Variants in ADAMTSL1 observed in about 807,000 individuals in gnomAD.
ADAMTSL1 encodes the protein ADAMTS like 1.
In ADAMTSL1, 126 loss-of-function variants were observed where a neutral mutation model predicts 201.8. The observed-to-expected ratio is 0.62, with a 90% CI of 0.54 to 0.72. The LOEUF is 0.72. ADAMTSL1 is among the 30% of genes least tolerant of loss of function. The pLI, the probability that ADAMTSL1 is intolerant of heterozygous loss-of-function variation, is 0.00. For missense variants in ADAMTSL1, 2,679 were observed against 2,277.8 expected, an observed-to-expected ratio of 1.18 and a Z score of -3.59; for synonymous variants, 1,121 against 903.4, an observed-to-expected ratio of 1.24 and a Z score of -4.32.
chr9:18,245,062 G>C (rs1467705887), intron 2 of ADAMTSL1, among the ~76,000 whole-genome samples: 7 of 152,120 alleles, frequency 4.6e-5, no homozygotes. Flanking sequence ...ATCAAGGTGG[G>C]AGTAACAAGT....
rs185599812 is a variant in ADAMTSL1, at chr9:18,738,262, A to G, written c.2007-15036A>G. 3.0e-4 allele frequency among the ~76,000 whole-genome samples: 46 copies of G among 152,292 alleles called. 1 individual carries two copies. The highest frequency in any genetic ancestry group is 8.7e-4 in the African/African-American group (36 of 41,568). On this transcript the variant is annotated intron_variant, in intron 15 of 28. Coordinates refer to ENST00000380548, the MANE Select transcript of ADAMTSL1 (RefSeq NM_001040272.6). The stretch of plus-strand genomic sequence containing the variant: ...GCGTTTTCTCTATATCTTAGTCTTT[A>G]AAACTATGGAAAGGAATTGAGTATG...
intron 1 of ADAMTSL1, among the ~76,000 whole-genome samples, chr9:18,011,211 T>C (rs989082300): frequency 2.6e-5 from 4 of 152,072 alleles, no homozygotes; most frequent in African/African-American, 9.6e-5. Flanking sequence ...TCTGTAACCA[T>C]GAAATTAAGT....
At chr9:18,150,495 C>T (rs1340152912) in intron 1 of ADAMTSL1, among the ~76,000 whole-genome samples, 2 of 152,010 alleles carry the variant, frequency 1.3e-5, no homozygotes, top group Admixed American at 6.6e-5. Context: ...GTCAGAGTTT[C>T]TGTTTGCTGA....
chr9:18,798,966 C>T (rs941082015), intron 20 of ADAMTSL1, among the ~76,000 whole-genome samples: 1 of 151,976 alleles, frequency 6.6e-6, no homozygotes, highest in African/African-American at 2.4e-5. Context: ...TCTCTAAACT[C>T]TTCCATTACG....
chr9:18,680,505 G>A lies in ADAMTSL1; in HGVS notation c.1330G>A (p.Glu444Lys). 1 of 1,614,134 alleles carries A rather than the reference G, an allele frequency of 6.2e-7. No homozygotes were observed. Among genetic ancestry groups the A allele is most frequent in the African/African-American group, 1.3e-5 (1 of 75,028 alleles). ...IFDCPKWLAQ[E>K]WSPCTVTCGQ... is the part of the protein sequence containing the mutation. ...TGACTGCCCTAAATGGCTGGCACAGGAGTGGTCTCCGGTAACTGTGCCTTC... is the reference window on the plus strand; with the variant it reads ...TGACTGCCCTAAATGGCTGGCACAGAAGTGGTCTCCGGTAACTGTGCCTTC... The change falls in exon 11 of 29, where the codon GAG (glutamate) becomes AAG (lysine). Residue 444 changes from glutamate (E) to lysine (K), a missense_variant. Glu to Lys is a moderately conservative substitution (Grantham distance 56, BLOSUM62 1). Coordinates refer to ENST00000380548, the MANE Select transcript of ADAMTSL1 (RefSeq NM_001040272.6).
rs147676226 is a variant in ADAMTSL1 at position 18,770,132 on chromosome 9, G to A, written c.2218-470G>A. On this transcript the variant is annotated intron_variant, in intron 16 of 28. Coordinates refer to ENST00000380548, the MANE Select transcript of ADAMTSL1 (RefSeq NM_001040272.6). ...AGACCCTAAATCTAATGCCCATTCC[G>A]TGTGGTAGAGTGCCTTCACTTAGAG... Among the ~76,000 whole-genome samples the A allele has an allele frequency of 7.2e-5, 11 of 152,264 alleles. No homozygotes were observed. The South Asian group carries it at 8.3e-4, about 11-fold the overall frequency.
chr9:18,000,684 G>C (rs1435626344), intron 1 of ADAMTSL1, among the ~76,000 whole-genome samples: 1 of 152,070 alleles, frequency 6.6e-6, no homozygotes, highest in African/African-American at 2.4e-5. Context: ...TTGTTGGCAA[G>C]CAATTGAAAC....
intron 1 of ADAMTSL1, among the ~76,000 whole-genome samples, chr9:18,085,484 T>TATATATATATATACTGTGTGTGC (rs1244595228): frequency 1.2e-4 from 16 of 130,476 alleles, no homozygotes; most frequent in African/African-American, 4.3e-4. Flanking sequence ...TGTGTGTGCA[T>TATATATATATATACTGTGTGTGC]ATATATATAT....
At chr9:18,022,065 AT>A (rs1435250446) in intron 1 of ADAMTSL1, among the ~76,000 whole-genome samples, 1 of 151,902 alleles carries the variant, frequency 6.6e-6, no homozygotes, top group Admixed American at 6.6e-5. Flanking sequence ...CACAGTACTC[AT>A]TTTTTTCTTG....
At chr9:17,962,014 T>C (rs895295361) in intron 1 of ADAMTSL1, among the ~76,000 whole-genome samples, 1 of 152,172 alleles carries the variant, frequency 6.6e-6, no homozygotes, top group African/African-American at 2.4e-5. Context: ...GCAGGAAGAT[T>C]TGATTATCTT....
At chr9:18,845,673 C>G (rs1460781555) in intron 23 of ADAMTSL1, among the ~76,000 whole-genome samples, 1 of 152,232 alleles carries the variant, frequency 6.6e-6, no homozygotes, top group Non-Finnish European at 1.5e-5. Context: ...CAGAACCCAG[C>G]TGGCATGAGA....
chr9:18,308,486 TA>T (rs1447662225), intron 2 of ADAMTSL1, among the ~76,000 whole-genome samples: 2 of 151,892 alleles, frequency 1.3e-5, no homozygotes, highest in African/African-American at 2.4e-5. Context: ...ATAGACACCA[TA>T]AAAAATGATA....
At chr9:18,443,985 A>T (rs1414416780) in intron 2 of ADAMTSL1, among the ~76,000 whole-genome samples, 1 of 152,214 alleles carries the variant, frequency 6.6e-6, no homozygotes, top group East Asian at 1.9e-4. Flanking sequence ...AATGACATAG[A>T]TGTAGATTAT....
chr9:18,292,541 C>T (rs992988392), intron 2 of ADAMTSL1, among the ~76,000 whole-genome samples: 2 of 152,202 alleles, frequency 1.3e-5, no homozygotes, highest in Non-Finnish European at 2.9e-5. Flanking sequence ...GAGAGACAGA[C>T]CCTCCCTCAG....
intron 2 of ADAMTSL1, among the ~76,000 whole-genome samples, chr9:18,367,878 G>T (rs1214948285): frequency 6.6e-6 from 1 of 151,482 alleles, no homozygotes; most frequent in Non-Finnish European, 1.5e-5. Context: ...AAGGAGTCTT[G>T]TATTTATTTT....
chr9:18,248,926 T>C (rs1429647037), intron 2 of ADAMTSL1, among the ~76,000 whole-genome samples: 2 of 152,174 alleles, frequency 1.3e-5, no homozygotes, highest in Non-Finnish European at 2.9e-5. Context: ...CTATGTGACA[T>C]AGTAAGGAAA....
chr9:18,715,153 A>G (rs1179288101), intron 14 of ADAMTSL1, among the ~76,000 whole-genome samples: 2 of 130,676 alleles, frequency 1.5e-5, no homozygotes, highest in African/African-American at 5.5e-5. Context: ...CAAAAACTGG[A>G]AGCATTCCCT....
chr9:18,083,867 T>A (rs182095288), intron 1 of ADAMTSL1, among the ~76,000 whole-genome samples: 194 of 152,314 alleles, frequency 1.3e-3, no homozygotes, highest in Non-Finnish European at 2.1e-3. Context: ...TTTTAGGGCT[T>A]ACTACCTTAG....
chr9:18,671,653 A>C lies in ADAMTSL1; in HGVS notation c.1086-4204A>C, dbSNP rs143216995. Among the ~76,000 whole-genome samples the C allele has an allele frequency of 2.3e-3, 353 of 152,320 alleles. 2 individuals are homozygous for C. The highest frequency in any genetic ancestry group is 8.1e-3 in the African/African-American group (337 of 41,572). Reference sequence around the variant, plus strand: ...TCTAGTTATCAGGAAATCAGAAACGAAGATTTGCAGTTCCAGAGAAGAAGC... The same window carrying C: ...TCTAGTTATCAGGAAATCAGAAACGCAGATTTGCAGTTCCAGAGAAGAAGC... On this transcript the variant is annotated intron_variant, in intron 9 of 28. Coordinates refer to ENST00000380548, the MANE Select transcript of ADAMTSL1 (RefSeq NM_001040272.6).
Sources: gnomAD v4.1 joint callset for allele counts (sites outside exome capture counted in the v4.1 genomes callset) on GRCh38, gnomAD v4.1.1 for gene constraint, MANE v1.5 for transcripts, NCBI Gene and HGNC (gene_info 2026-07-23, HGNC 2026-07-21) for gene names.